Variants in PRIM2 observed in about 807,000 individuals in gnomAD.
PRIM2 encodes DNA primase subunit 2.
PRIM2 carries 39 observed loss-of-function variants against 67.3 expected under a neutral mutation model. The ratio of observed to expected loss-of-function variants is 0.58; its 90% CI spans 0.45 to 0.76. The LOEUF (loss-of-function observed/expected upper bound fraction) is 0.76. Ranked by LOEUF, PRIM2 falls within the 30% of genes least tolerant of loss-of-function variation. The pLI is 0.00. For missense variants in PRIM2, 398 were observed against 598.7 expected (o/e 0.66, Z 3.50); for synonymous variants, 143 against 198.7 (o/e 0.72, Z 2.36).
chr6:57,521,132 C>A lies in PRIM2; in HGVS notation c.762-11279C>A, dbSNP rs1296702044. 5.3e-5 allele frequency among the ~76,000 whole-genome samples: 8 copies of A among 152,196 alleles called. No individual in the cohort carries two copies. In the East Asian group the frequency reaches 1.5e-3, roughly 29 times the overall value. The stretch of plus-strand genomic sequence containing the variant: ...TTTGGAATAACTGCAGGGAAAATCA[C>A]CTGGGCTAATACAAGTTGGATATCA... On this transcript the variant is annotated intron_variant, in intron 8 of 13. Coordinates refer to ENST00000615550, the MANE Select transcript of PRIM2 (RefSeq NM_000947.5).
At chr6:57,297,074 G>C in the PRIM2 span, among the ~76,000 whole-genome samples, 2 of 152,268 alleles carry the variant, frequency 1.3e-5, no homozygotes. Flanking sequence ...AAATAAATAA[G>C]TGGTGGAAGA....
At chr6:57,610,580 C>G (rs1479218699) in intron 12 of PRIM2, among the ~76,000 whole-genome samples, 3 of 151,590 alleles carry the variant, frequency 2.0e-5, no homozygotes, top group African/African-American at 7.3e-5. Flanking sequence ...AGAATATGGC[C>G]AAAGAAAATG....
chr6:57,226,981 A>C, the PRIM2 span, among the ~76,000 whole-genome samples: 1 of 152,012 alleles, frequency 6.6e-6, no homozygotes, highest in South Asian at 2.1e-4. Flanking sequence ...TTTGTCCTTG[A>C]TTGTTCTTGT....
At chr6:57,356,931 C>CTTTT (rs761605036) in intron 5 of PRIM2, among the ~76,000 whole-genome samples, 14 of 120,782 alleles carry the variant, frequency 1.2e-4, no homozygotes, top group Admixed American at 1.7e-4. Flanking sequence ...CCAATCCATT[C>CTTTT]TTTTTTTTTT....
intron 10 of PRIM2, among the ~76,000 whole-genome samples, chr6:57,589,283 T>G (rs1382441151): frequency 2.6e-5 from 4 of 152,170 alleles, no homozygotes; most frequent in African/African-American, 9.7e-5. Context: ...AATTCAGGCC[T>G]AGACCAAGGT....
In PRIM2 at chr6:57,460,540, ATTTTAAAGAATGTC is replaced by A. The variant is rs1292207736; in HGVS notation, c.694-46840_694-46827del. On this transcript the variant is annotated intron_variant, in intron 7 of 13. Coordinates refer to ENST00000615550, the MANE Select transcript of PRIM2 (RefSeq NM_000947.5). Reference sequence around the variant, plus strand: ...ATCTACTGGATTTTAAATGACTGCCATTTTAAAGAATGTCTTTTAAGAGTTTACTGATTTAAGTC... The same window carrying A: ...ATCTACTGGATTTTAAATGACTGCCATTTTAAGAGTTTACTGATTTAAGTC... Among the ~76,000 whole-genome samples the A allele has an allele frequency of 1.2e-3, 188 of 151,848 alleles. 5 individuals are homozygous for A. The East Asian group carries it at 0.016, about 13-fold the overall frequency.
chr6:57,452,322 TG>T (rs1182010074), intron 7 of PRIM2, among the ~76,000 whole-genome samples: 6 of 152,182 alleles, frequency 3.9e-5, no homozygotes, highest in Non-Finnish European at 8.8e-5. Context: ...CTGGGTCAAA[TG>T]GTATTTCTAG....
intron 7 of PRIM2, among the ~76,000 whole-genome samples, chr6:57,415,045 A>G (rs554963525): frequency 4.2e-4 from 64 of 152,266 alleles, no homozygotes; most frequent in African/African-American, 1.4e-3. Context: ...TTAAGGCAGG[A>G]TTTTTGATGT....
the PRIM2 span, among the ~76,000 whole-genome samples, chr6:57,244,730 A>C: frequency 7.2e-6 from 1 of 138,318 alleles, no homozygotes; most frequent in African/African-American, 2.6e-5. Flanking sequence ...GATAAGAGCG[A>C]AACTCCATCT....
chr6:57,359,270 A>G (rs1049062141), intron 5 of PRIM2, among the ~76,000 whole-genome samples: 2 of 152,222 alleles, frequency 1.3e-5, no homozygotes, highest in African/African-American at 4.8e-5. Context: ...AAGAATTCTA[A>G]GTAGACTTGA....
the PRIM2 span, among the ~76,000 whole-genome samples, chr6:57,299,348 C>CA: frequency 1.3e-5 from 2 of 151,982 alleles, no homozygotes; most frequent in East Asian, 1.9e-4. Context: ...GACATTTTAA[C>CA]AAAAAAAGGA....
In PRIM2 at chr6:57,337,677, A is replaced by C. The variant is rs921135797; in HGVS notation, c.459+11632A>C. Among the ~76,000 whole-genome samples, 14 of 152,340 alleles carry C rather than the reference A, an allele frequency of 9.2e-5. No homozygotes were observed. In the South Asian group the frequency reaches 1.9e-3, roughly 20 times the overall value. ...TTGAAACCAACGAGAACAAAGACAC[A>C]ACATACCAGAATCTCTGGGACGCAT... On this transcript the variant is annotated intron_variant, in intron 5 of 13. Transcript: ENST00000615550.
chr6:57,431,147 T>C (rs1408687476), intron 7 of PRIM2, among the ~76,000 whole-genome samples: 6 of 152,162 alleles, frequency 3.9e-5, no homozygotes, highest in African/African-American at 1.4e-4. Context: ...TGACATTTCT[T>C]CTCATCTGTT....
intron 7 of PRIM2, among the ~76,000 whole-genome samples, chr6:57,463,144 G>A (rs1207387683): frequency 4.6e-5 from 7 of 152,182 alleles, no homozygotes; most frequent in Admixed American, 6.5e-5. Context: ...ATCTAGAACT[G>A]AGTTCTAGTT....
chr6:57,507,438 C>T lies in PRIM2; in HGVS notation c.745C>T (p.Leu249=). The T allele has an allele frequency of 6.4e-7, 1 of 1,550,452 alleles. No homozygotes were observed. Among genetic ancestry groups the T allele is most frequent in the Non-Finnish European group, 8.7e-7 (1 of 1,145,814 alleles). Residue 249 remains leucine, a synonymous_variant, in exon 8 of 14, where the codon CTG becomes TTG. Coordinates refer to ENST00000615550, the MANE Select transcript of PRIM2 (RefSeq NM_000947.5). ...GCAGTCTGATGAAAGACTTCAGCCTCTGCTCAATCACCTCAGGTAATATAA... is the reference window on the plus strand; with the variant it reads ...GCAGTCTGATGAAAGACTTCAGCCTTTGCTCAATCACCTCAGGTAATATAA... ...AVQSDERLQP[L]LNHLSHSYTG...
chr6:57,574,909 A>G (rs1292607172), intron 10 of PRIM2, among the ~76,000 whole-genome samples: 2 of 152,090 alleles, frequency 1.3e-5, no homozygotes, highest in South Asian at 2.1e-4. Context: ...GTCCCATCTA[A>G]TATTTATAGA....
At chr6:57,346,226 A>G (rs112789456) in intron 5 of PRIM2, among the ~76,000 whole-genome samples, 2 of 152,198 alleles carry the variant, frequency 1.3e-5, no homozygotes, top group African/African-American at 4.8e-5. Context: ...CCTTTGTTCA[A>G]GATGGAGTTG....
At chr6:57,613,220 T>C (rs1388420700) in intron 12 of PRIM2, among the ~76,000 whole-genome samples, 1 of 151,752 alleles carries the variant, frequency 6.6e-6, no homozygotes, top group African/African-American at 2.4e-5. Flanking sequence ...AACATATAAT[T>C]TAGAGTGACA....
chr6:57,549,448 A>G (rs1444166803), intron 10 of PRIM2, among the ~76,000 whole-genome samples: 3 of 152,060 alleles, frequency 2.0e-5, no homozygotes, highest in Non-Finnish European at 2.9e-5. Flanking sequence ...TTAGGTTGAC[A>G]CTGATAATGA....
Sources: gnomAD v4.1 joint callset for allele counts (sites outside exome capture counted in the v4.1 genomes callset) on GRCh38, gnomAD v4.1.1 for gene constraint, MANE v1.5 for transcripts, NCBI Gene and HGNC (gene_info 2026-07-23, HGNC 2026-07-21) for gene names.